The following RSPRY1 variants were observed in gnomAD, a reference collection of about 807,000 sequenced individuals.
RSPRY1 encodes the protein RING finger and SPRY domain-containing protein 1.
A neutral mutation model predicts 73.1 loss-of-function variants in RSPRY1; 23 were observed. The ratio of observed to expected loss-of-function variants is 0.31; its 90% confidence interval spans 0.23 to 0.45. RSPRY1 has a LOEUF of 0.45. Ranked by LOEUF, RSPRY1 falls within the 20% of genes least tolerant of loss-of-function variation. The probability of loss-of-function intolerance (pLI) is 1.00; values close to 1 mark genes in which losing one functional copy is unlikely to be tolerated. For missense variants in RSPRY1, 448 were observed against 698.7 expected (o/e 0.64, Z 4.05); for synonymous variants, 226 against 251.4 (o/e 0.90, Z 0.95).
At chr16:57,228,346 TTGG>T (rs1348391546) in intron 11 of RSPRY1, among the ~76,000 whole-genome samples, 1 of 146,904 alleles carries the variant, frequency 6.8e-6, no homozygotes, top group Non-Finnish European at 1.5e-5. Flanking sequence ...CTTGATTAAA[TTGG>T]TGGTGTGGGA....
chr16:57,226,105 A>G (rs1437504880), intron 10 of RSPRY1, among the ~76,000 whole-genome samples: 1 of 152,202 alleles, frequency 6.6e-6, no homozygotes, highest in Admixed American at 6.5e-5. Context: ...GAAACTGCCA[A>G]GGACCTGTAC....
In RSPRY1 at chr16:57,212,994, A is replaced by T; in HGVS notation, c.539A>T (p.Glu180Val). The change falls in exon 5 of 15, where the codon GAA becomes GTA. Residue 180 changes from glutamate (E) to valine (V), a missense_variant. Transcript: ENST00000394420. ...PTKDALQKLT[E>V]ILNLNGEVAC... is the part of the protein sequence containing the mutation. ...TAGGATGCACTCCAGAAATTGACTG[A>T]AATTCTCAATTTAAATGGAGAAGTA... 1 of 1,614,062 alleles carries T rather than the reference A, an allele frequency of 6.2e-7. No homozygotes were observed. The highest frequency in any genetic ancestry group is 8.5e-7 in the Non-Finnish European group (1 of 1,179,944).
intron 1 of RSPRY1, among the ~76,000 whole-genome samples, chr16:57,200,480 G>A (rs867696946): frequency 3.5e-4 from 53 of 151,564 alleles, no homozygotes; most frequent in African/African-American, 1.2e-3. Flanking sequence ...CAGTAGGGGC[G>A]GCAGGGCAGA....
At position 57,186,468 on chromosome 16, in the gene RSPRY1, G is replaced by T. The variant is rs2074182582; in HGVS notation, c.-156+17G>T. ...GTAGAGAAAGTCAGTGCCACAGCCC[G>T]ACCGCGCTGCTCTGAGCCCTGGGCA... On this transcript the variant is annotated intron_variant, in intron 1 of 14. Transcript: ENST00000394420. The T allele has an allele frequency of 6.5e-6, 1 of 154,560 alleles. No individual in the cohort carries two copies. Among genetic ancestry groups the T allele is most frequent in the South Asian group, 1.8e-4 (1 of 5,444 alleles). 9.6% of individuals were successfully genotyped at this position (154,560 alleles called of 1,614,324 possible).
At chr16:57,191,673 A>G (rs2146155051) in intron 1 of RSPRY1, among the ~76,000 whole-genome samples, 1 of 152,202 alleles carries the variant, frequency 6.6e-6, no homozygotes. Flanking sequence ...TTTACTTTTC[A>G]TTGTGTGGGC....
At chr16:57,216,000 C>T (rs1029575871) in intron 6 of RSPRY1, 107 bp from the exon 7 acceptor site, 14 of 830,472 alleles carry the variant, frequency 1.7e-5, no homozygotes, top group South Asian at 1.1e-4. Context: ...TCTGACCACT[C>T]GAAAAAACAT....
At chr16:57,213,646 CAT>C (rs2074886869) in intron 5 of RSPRY1, among the ~76,000 whole-genome samples, 1 of 152,228 alleles carries the variant, frequency 6.6e-6, no homozygotes, top group Non-Finnish European at 1.5e-5. Context: ...GAAATCAGAA[CAT>C]GTGGCTACTG....
In RSPRY1 at chr16:57,212,972, G is replaced by A. The variant is rs1333336772; in HGVS notation, c.517G>A (p.Asp173Asn). The change falls in exon 5 of 15, where the codon GAT (aspartate) becomes AAT (asparagine). Residue 173 changes from aspartate to asparagine, a missense_variant and splice_region_variant. Physicochemically the swap from Asp to Asn is conservative, Grantham distance 23. Transcript: ENST00000394420. ...ACCCACTTGTACTTTTTTGTTTTAG[G>A]ATGCACTCCAGAAATTGACTGAAAT... ...LLDECPLPTK[D>N]ALQKLTEILN... is the part of the protein sequence containing the mutation. The A allele has an allele frequency of 6.2e-7, 1 of 1,612,060 alleles. No individual in the cohort carries two copies. The highest frequency in any genetic ancestry group is 8.5e-7 in the Non-Finnish European group (1 of 1,179,266).
At chr16:57,219,838 A>G (rs1171973872) in intron 8 of RSPRY1, 2 of 152,182 alleles carry the variant, frequency 1.3e-5, no homozygotes, top group African/African-American at 4.8e-5. Flanking sequence ...TTTGTAGGCA[A>G]TGAGAGATAG....
At chr16:57,194,971 T>A (rs1176375820) in intron 1 of RSPRY1, among the ~76,000 whole-genome samples, 1 of 150,128 alleles carries the variant, frequency 6.7e-6, no homozygotes, top group East Asian at 1.9e-4. Flanking sequence ...GTTTGATTAT[T>A]TTTTTTTGTC....
intron 5 of RSPRY1, 120 bp from the exon 6 acceptor site, chr16:57,213,768 C>A: frequency 1.3e-6 from 1 of 774,032 alleles, no homozygotes; most frequent in South Asian, 1.5e-5. Flanking sequence ...TACCTCAGAG[C>A]AGGAGGCTTT....
intron 1 of RSPRY1, among the ~76,000 whole-genome samples, chr16:57,195,374 T>C (rs143659860): frequency 3.1e-3 from 477 of 152,222 alleles, no homozygotes; most frequent in African/African-American, 0.011. Context: ...GAGCCAGGCG[T>C]GGTGGCAGGC....
chr16:57,211,125 T>G (rs1371681082), intron 4 of RSPRY1, among the ~76,000 whole-genome samples: 1 of 152,202 alleles, frequency 6.6e-6, no homozygotes, highest in Non-Finnish European at 1.5e-5. Flanking sequence ...TTAAGAATGT[T>G]TTTTATTAAG....
At position 57,238,882 on chromosome 16, in the gene RSPRY1, C is replaced by T; in HGVS notation, c.1638C>T (p.Asp546=). 1 of 1,585,656 alleles carries T rather than the reference C, an allele frequency of 6.3e-7. No homozygotes were observed. The change falls in exon 15 of 15, where the codon GAC becomes GAT. Residue 546 remains aspartate, a synonymous_variant. Coordinates refer to ENST00000394420, the MANE Select transcript of RSPRY1 (RefSeq NM_133368.3). The part of the protein sequence containing the change: ...DTQLKPCGHS[D]LCMDCALQLE... ...ACTTTTCTGTGTTTCTCCCCAGTGACCTGTGCATGGATTGTGCCTTGCAGC... is the reference window on the plus strand; with the variant it reads ...ACTTTTCTGTGTTTCTCCCCAGTGATCTGTGCATGGATTGTGCCTTGCAGC...
chr16:57,208,185 T>TGTTTG, intron 3 of RSPRY1, 75 bp downstream of exon 3: 2 of 889,778 alleles, frequency 2.2e-6, no homozygotes, highest in South Asian at 3.3e-5. Flanking sequence ...TTTTGTTTTT[T>TGTTTG]GTTTTGTTTT....
chr16:57,193,265 C>T (rs2074382061), intron 1 of RSPRY1, among the ~76,000 whole-genome samples: 1 of 152,140 alleles, frequency 6.6e-6, no homozygotes, highest in South Asian at 2.1e-4. Flanking sequence ...AAATTCCAAC[C>T]AAATATTTCA....
intron 4 of RSPRY1, among the ~76,000 whole-genome samples, chr16:57,210,891 G>C (rs1451913451): frequency 2.0e-5 from 3 of 151,258 alleles, no homozygotes; most frequent in African/African-American, 7.3e-5. Flanking sequence ...CGTGGTGCAT[G>C]CCTATAGTCC....
chr16:57,200,811 C>T (rs1338297484), intron 1 of RSPRY1, among the ~76,000 whole-genome samples: 4 of 135,102 alleles, frequency 3.0e-5, no homozygotes, highest in South Asian at 2.4e-4. Flanking sequence ...ACATCCTTCC[C>T]GGACGGGGCG....
chr16:57,213,168 G>A, intron 5 of RSPRY1, 70 bp downstream of exon 5: 1 of 1,444,472 alleles, frequency 6.9e-7, no homozygotes, highest in Admixed American at 2.2e-5. Flanking sequence ...TGTACTGTAT[G>A]TCTTTGATCA....
Sources: gnomAD v4.1 joint callset for allele counts (sites outside exome capture counted in the v4.1 genomes callset) on GRCh38, gnomAD v4.1.1 for gene constraint, MANE v1.5 for transcripts, NCBI Gene and HGNC (gene_info 2026-07-23, HGNC 2026-07-21) for gene names.